The following SGCZ variants were observed in gnomAD, a reference collection of about 807,000 sequenced individuals.
SGCZ encodes sarcoglycan zeta, also known as zeta-sarcoglycan.
Under a neutral mutation model 41.3 loss-of-function variants are expected in SGCZ, and 40 were observed. That is an observed-to-expected ratio of 0.97 (90% CI 0.75 to 1.26). SGCZ has a LOEUF of 1.26. SGCZ is among the 50% of genes most tolerant of loss of function. The pLI is 0.00. For synonymous variants in SGCZ, 206 were observed against 137.5 expected (o/e 1.50, Z -3.49); for missense variants, 552 against 369.8 (o/e 1.49, Z -4.04).
At chr8:14,948,583 T>C (rs1034518387) in intron 1 of SGCZ, among the ~76,000 whole-genome samples, 2 of 152,044 alleles carry the variant, frequency 1.3e-5, no homozygotes, top group African/African-American at 2.4e-5. Context: ...TTAGATGACA[T>C]TTATCCCTTA....
intron 1 of SGCZ, among the ~76,000 whole-genome samples, chr8:14,989,082 C>A (rs1871701): frequency 0.023 from 3,456 of 152,026 alleles, 128 homozygotes; most frequent in African/African-American, 0.079. Context: ...TGTAAACACT[C>A]GATGGGAGAA....
At chr8:14,410,417 A>C (rs6530773) in intron 2 of SGCZ, among the ~76,000 whole-genome samples, 67,005 of 150,706 alleles carry the variant, frequency 0.44, 16,282 homozygotes, top group African/African-American at 0.65. Context: ...AAAAACAGAA[A>C]AGGCTGATTT....
chr8:14,625,367 G>C (rs567913542), intron 1 of SGCZ, among the ~76,000 whole-genome samples: 1 of 152,196 alleles, frequency 6.6e-6, no homozygotes, highest in Admixed American at 6.5e-5. Flanking sequence ...AGTCCTTTTA[G>C]AAGGAAAACA....
At chr8:14,676,983 AT>A (rs1386625142) in intron 1 of SGCZ, among the ~76,000 whole-genome samples, 41 of 152,258 alleles carry the variant, frequency 2.7e-4, no homozygotes, top group African/African-American at 9.1e-4. Flanking sequence ...AAAGAAAAAA[AT>A]AAACAAGGAT....
intron 5 of SGCZ, among the ~76,000 whole-genome samples, chr8:14,129,627 C>G (rs1802973711): frequency 6.6e-6 from 1 of 151,718 alleles, no homozygotes; most frequent in Non-Finnish European, 1.5e-5. Flanking sequence ...CTTCAACAAT[C>G]TAACTTTATA....
intron 3 of SGCZ, among the ~76,000 whole-genome samples, chr8:14,285,069 G>C (rs1334003441): frequency 3.3e-5 from 5 of 151,978 alleles, no homozygotes; most frequent in African/African-American, 1.2e-4. Flanking sequence ...ATTCTTTTAA[G>C]GGTTGATTTT....
At chr8:14,624,216 A>T (rs1199755757) in intron 1 of SGCZ, among the ~76,000 whole-genome samples, 2 of 152,282 alleles carry the variant, frequency 1.3e-5, no homozygotes, top group East Asian at 1.9e-4. Context: ...ATCATATAAG[A>T]TTTAACAAAG....
chr8:14,368,713 T>C (rs1803803070), intron 2 of SGCZ, among the ~76,000 whole-genome samples: 1 of 151,530 alleles, frequency 6.6e-6, no homozygotes, highest in Admixed American at 6.6e-5. Flanking sequence ...ACATCCTAAG[T>C]CTGCAGATCC....
At chr8:14,120,113 C>T (rs1802653871) in intron 5 of SGCZ, among the ~76,000 whole-genome samples, 1 of 151,820 alleles carries the variant, frequency 6.6e-6, no homozygotes, top group Non-Finnish European at 1.5e-5. Context: ...GGGATAGATA[C>T]CAAATTTCTA....
chr8:14,534,728 A>C (rs1803243130), intron 2 of SGCZ, among the ~76,000 whole-genome samples: 1 of 152,002 alleles, frequency 6.6e-6, no homozygotes, highest in Non-Finnish European at 1.5e-5. Flanking sequence ...AACCAAGTAT[A>C]AACTCATTGA....
intron 3 of SGCZ, among the ~76,000 whole-genome samples, chr8:14,272,383 C>T (rs1167244622): frequency 6.6e-6 from 1 of 152,318 alleles, no homozygotes; most frequent in East Asian, 1.9e-4. Context: ...GAGACAGTCT[C>T]ACATTGCACT....
intron 2 of SGCZ, among the ~76,000 whole-genome samples, chr8:14,326,362 G>A (rs1802115842): frequency 6.6e-6 from 1 of 151,940 alleles, no homozygotes. Flanking sequence ...ATAACATTAT[G>A]ATATCAGCAA....
chr8:14,300,696 G>C (rs760702982), intron 3 of SGCZ, among the ~76,000 whole-genome samples: 1 of 151,774 alleles, frequency 6.6e-6, no homozygotes, highest in Non-Finnish European at 1.5e-5. Context: ...AGTATAATGT[G>C]GTTAATTTTG....
intron 2 of SGCZ, among the ~76,000 whole-genome samples, chr8:14,441,965 C>T (rs1309726443): frequency 1.3e-5 from 2 of 152,112 alleles, no homozygotes; most frequent in African/African-American, 4.8e-5. Flanking sequence ...TCTATGTAAC[C>T]AGGCCATTTC....
intron 1 of SGCZ, among the ~76,000 whole-genome samples, chr8:14,815,243 C>CTT (rs35797553): frequency 1.3e-3 from 183 of 144,012 alleles, no homozygotes; most frequent in African/African-American, 2.6e-3. Flanking sequence ...TCTCAATTTT[C>CTT]TTTTTTTTTT....
chr8:14,281,041 C>T (rs1287093800), intron 3 of SGCZ, among the ~76,000 whole-genome samples: 2 of 151,758 alleles, frequency 1.3e-5, no homozygotes, highest in African/African-American at 4.8e-5. Flanking sequence ...TATACTTCAT[C>T]ACAACTATAA....
chr8:14,132,859 A>T lies in SGCZ; in HGVS notation c.548-24624T>A, dbSNP rs77047053. ...TTTTTGTTGTTGTTGACACTTTTTT[A>T]AAATTGTAGGAATTTATTTGCTTAG... On this transcript the variant is annotated intron_variant, in intron 5 of 7. Transcript: ENST00000382080. Among the ~76,000 whole-genome samples the T allele has an allele frequency of 9.0e-3, 1,370 of 152,258 alleles. 21 individuals are homozygous for T. The highest frequency in any genetic ancestry group is 0.031 in the African/African-American group (1,276 of 41,548).
chr8:14,931,442 T>C (rs538709594), intron 1 of SGCZ, among the ~76,000 whole-genome samples: 1 of 152,196 alleles, frequency 6.6e-6, no homozygotes, highest in South Asian at 2.1e-4. Flanking sequence ...ATATATTTAC[T>C]AGTGTTTCTA....
chr8:15,178,490 C>T (rs1421087733), intron 1 of SGCZ, among the ~76,000 whole-genome samples: 1 of 152,130 alleles, frequency 6.6e-6, no homozygotes, highest in Non-Finnish European at 1.5e-5. Flanking sequence ...ATGGTAATAA[C>T]ACAATAAATT....
Sources: allele counts gnomAD v4.1 joint callset (sites outside exome capture counted in the v4.1 genomes callset), GRCh38; gene constraint gnomAD v4.1.1; transcripts MANE v1.5; gene names NCBI Gene and HGNC (gene_info 2026-07-23, HGNC 2026-07-21).